The following XYLT1 variants were observed in gnomAD, a reference collection of about 807,000 sequenced individuals.
XYLT1 encodes xylosyltransferase 1.
In XYLT1, 36 loss-of-function variants were observed where a neutral mutation model predicts 91.3. That is an observed-to-expected ratio of 0.39 (90% CI 0.30 to 0.52). XYLT1 has a LOEUF of 0.52. XYLT1 is among the 20% of genes least tolerant of loss of function. XYLT1 has a pLI of 0.68. For synonymous variants in XYLT1, 588 were observed against 532.0 expected, an observed-to-expected ratio of 1.11 and a Z score of -1.45; for missense variants, 1,242 against 1,284.5, an observed-to-expected ratio of 0.97 and a Z score of 0.51.
chr16:17,438,214 A>T (rs1043170226), intron 1 of XYLT1, among the ~76,000 whole-genome samples: 1 of 152,232 alleles, frequency 6.6e-6, no homozygotes, highest in African/African-American at 2.4e-5. Flanking sequence ...ACCTAATCGC[A>T]GAGGAAAACA....
At chr16:17,325,781 G>T (rs2034791981) in intron 2 of XYLT1, among the ~76,000 whole-genome samples, 1 of 152,188 alleles carries the variant, frequency 6.6e-6, no homozygotes, top group African/African-American at 2.4e-5. Context: ...TACTTACTCT[G>T]TGTCTATGTG....
At chr16:17,290,478 G>A (rs55708230) in intron 2 of XYLT1, among the ~76,000 whole-genome samples, 316 of 152,326 alleles carry the variant, frequency 2.1e-3, no homozygotes, top group Non-Finnish European at 3.3e-3. Context: ...GGAAGGAGAC[G>A]CCTTACAGGC....
At chr16:17,222,734 G>A (rs993396019) in intron 3 of XYLT1, among the ~76,000 whole-genome samples, 2 of 148,398 alleles carry the variant, frequency 1.3e-5, no homozygotes, top group African/African-American at 2.5e-5. Context: ...AGATTGCAGC[G>A]AGCCGGGATC....
chr16:17,187,278 CA>C (rs1407218299), intron 5 of XYLT1, among the ~76,000 whole-genome samples: 1 of 151,032 alleles, frequency 6.6e-6, no homozygotes, highest in Non-Finnish European at 1.5e-5. Flanking sequence ...CCTGTAATCC[CA>C]GCTACTCGGG....
At chr16:17,216,812 T>C (rs918363327) in intron 3 of XYLT1, among the ~76,000 whole-genome samples, 5 of 152,194 alleles carry the variant, frequency 3.3e-5, no homozygotes, top group Admixed American at 6.5e-5. Flanking sequence ...TCCAGGATAC[T>C]CTGTCATCCT....
chr16:17,404,865 G>A (rs1329286650), intron 1 of XYLT1, among the ~76,000 whole-genome samples: 1 of 152,174 alleles, frequency 6.6e-6, no homozygotes, highest in Non-Finnish European at 1.5e-5. Flanking sequence ...AGGCATAAAC[G>A]TGTGCAGAGA....
chr16:17,139,956 C>T (rs2030913038), intron 7 of XYLT1, among the ~76,000 whole-genome samples: 1 of 152,178 alleles, frequency 6.6e-6, no homozygotes, highest in African/African-American at 2.4e-5. Context: ...GTGTGGCCTG[C>T]AGAAACACAC....
chr16:17,440,110 AGCCAGCAAGGAAGGAACTGGG>A (rs2036513371), intron 1 of XYLT1, among the ~76,000 whole-genome samples: 1 of 152,216 alleles, frequency 6.6e-6, no homozygotes, highest in Non-Finnish European at 1.5e-5. Context: ...TCCAGCTAAC[AGCCAGCAAGGAAGGAACTGGG>A]GCCCTTGGTG....
At chr16:17,183,972 G>A (rs1172064141) in intron 5 of XYLT1, among the ~76,000 whole-genome samples, 3 of 151,946 alleles carry the variant, frequency 2.0e-5, no homozygotes, top group African/African-American at 7.3e-5. Flanking sequence ...TTTAATACAT[G>A]CGGTTCCTCC....
intron 1 of XYLT1, among the ~76,000 whole-genome samples, chr16:17,452,404 C>T (rs1398103659): frequency 2.0e-5 from 3 of 150,754 alleles, no homozygotes; most frequent in Admixed American, 6.6e-5. Flanking sequence ...AGGAGGGTGG[C>T]TTCAGACCAA....
intron 3 of XYLT1, among the ~76,000 whole-genome samples, chr16:17,245,090 C>A (rs2033415863): frequency 6.6e-6 from 1 of 152,204 alleles, no homozygotes; most frequent in African/African-American, 2.4e-5. Flanking sequence ...AATGTACACA[C>A]AAGTGCCACT....
At chr16:17,310,017 C>T (rs1163575626) in intron 2 of XYLT1, among the ~76,000 whole-genome samples, 2 of 152,186 alleles carry the variant, frequency 1.3e-5, no homozygotes, top group Non-Finnish European at 2.9e-5. Flanking sequence ...GGGAACACAT[C>T]ATCCCTGTAA....
At chr16:17,229,458 T>C (rs1176257829) in intron 3 of XYLT1, among the ~76,000 whole-genome samples, 2 of 152,218 alleles carry the variant, frequency 1.3e-5, no homozygotes, top group African/African-American at 4.8e-5. Context: ...CTAGAGAGTA[T>C]GGAGTCTACT....
chr16:17,439,799 T>G (rs2141940412), intron 1 of XYLT1, among the ~76,000 whole-genome samples: 1 of 152,300 alleles, frequency 6.6e-6, no homozygotes, highest in East Asian at 1.9e-4. Context: ...TCATTTAAAT[T>G]GTGCCAAGGT....
At chr16:17,414,494 C>T (rs963221480) in intron 1 of XYLT1, among the ~76,000 whole-genome samples, 67 of 152,114 alleles carry the variant, frequency 4.4e-4, no homozygotes, top group Admixed American at 1.3e-4. Context: ...CTATGCCTGG[C>T]TATCAGACAT....
At chr16:17,115,821 A>AAAAAAAAAAAAC (rs1966851020) in intron 11 of XYLT1, among the ~76,000 whole-genome samples, 1 of 144,070 alleles carries the variant, frequency 6.9e-6, no homozygotes, top group African/African-American at 2.7e-5. Context: ...AAAAAAAAAA[A>AAAAAAAAAAAAC]AAAAGACTTT....
intron 1 of XYLT1, among the ~76,000 whole-genome samples, chr16:17,368,732 G>A (rs2035487192): frequency 6.6e-6 from 1 of 151,938 alleles, no homozygotes; most frequent in Non-Finnish European, 1.5e-5. Context: ...CTACAGGCCT[G>A]TGCCACCACG....
chr16:17,409,195 A>C (rs2036074358), intron 1 of XYLT1, among the ~76,000 whole-genome samples: 1 of 152,206 alleles, frequency 6.6e-6, no homozygotes, highest in African/African-American at 2.4e-5. Flanking sequence ...TCAAGCTCCA[A>C]CTTGCAATTC....
At chr16:17,376,188 T>A (rs928796424) in intron 1 of XYLT1, among the ~76,000 whole-genome samples, 1 of 152,188 alleles carries the variant, frequency 6.6e-6, no homozygotes, top group African/African-American at 2.4e-5. Context: ...TTTGACACTG[T>A]CTAGAGACAC....
Sources: gnomAD v4.1 joint callset for allele counts (sites outside exome capture counted in the v4.1 genomes callset) on GRCh38, gnomAD v4.1.1 for gene constraint, MANE v1.5 for transcripts, NCBI Gene and HGNC (gene_info 2026-07-23, HGNC 2026-07-21) for gene names.